Variants in OCIAD1 observed in about 807,000 individuals in gnomAD.
OCIAD1 encodes the protein OCIA domain-containing protein 1.
Under a neutral mutation model 38.9 loss-of-function variants are expected in OCIAD1, and 29 were observed. That is an observed-to-expected ratio of 0.74 (90% CI 0.55 to 1.02). The LOEUF is 1.02. OCIAD1 is among the 50% of genes least tolerant of loss of function. OCIAD1 has a pLI of 0.00. For synonymous variants in OCIAD1, 110 were observed against 92.0 expected, an observed-to-expected ratio of 1.20 and a Z score of -1.12; for missense variants, 288 against 289.6, an observed-to-expected ratio of 0.99 and a Z score of 0.04.
Position 48,832,629 on chromosome 4 carries a change from A to C in OCIAD1, c.5A>C (p.Asn2Thr). The C allele has an allele frequency of 6.2e-7, 1 of 1,612,474 alleles. No individual in the cohort carries two copies. Among genetic ancestry groups the C allele is most frequent in the Non-Finnish European group, 8.5e-7 (1 of 1,178,506 alleles). Residue 2 changes from asparagine to threonine, a missense_variant, in exon 2 of 9, where the codon AAT becomes ACT. Transcript: ENST00000264312. The part of the protein sequence containing the change: M[N>T]GRADFREPNA... Reference sequence around the variant, plus strand: ...AATGTTTTTGATACAGGAAAGATGAATGGGAGGGCTGATTTTCGAGAGCCG... The same window carrying C: ...AATGTTTTTGATACAGGAAAGATGACTGGGAGGGCTGATTTTCGAGAGCCG...
At position 48,857,354 on chromosome 4, in the gene OCIAD1, CA is replaced by C; in HGVS notation, c.696del (p.Glu233LysfsTer4). 7.8e-6 allele frequency: 12 copies of C among 1,539,984 alleles called. No individual in the cohort carries two copies. Among genetic ancestry groups the C allele is most frequent in the South Asian group, 3.9e-5 (3 of 77,740 alleles). On this transcript the variant is annotated frameshift_variant, in exon 8 of 9. Coordinates refer to ENST00000264312, the MANE Select transcript of OCIAD1 (RefSeq NM_017830.4). LOFTEE classifies it high-confidence loss of function. ...PSVRPMHERV[P>X]KKEVKVNKYG... is the part of the protein sequence containing the mutation. ...GTCAGGCCTATGCATGAAAGAGTGC[CA>C]AAAAAAGAAGGTATGATAGTTTAGT...
rs1276298030 is a variant in OCIAD1, at chr4:48,861,749, A to G, written c.*987A>G. The stretch of plus-strand genomic sequence containing the variant: ...TAAATTGATAATATAGTAAATAGGT[A>G]AATGCCTTAAAAAGCATTTTTAAAG... On this transcript the variant is annotated 3_prime_UTR_variant, in exon 9 of 9. Transcript: ENST00000264312. 2 of 152,228 alleles carry G rather than the reference A, an allele frequency of 1.3e-5. No individual in the cohort carries two copies. Among genetic ancestry groups the G allele is most frequent in the Non-Finnish European group, 2.9e-5 (2 of 68,044 alleles). The allele number at this position is 152,228 out of a possible 1,614,324, so 9.4% of individuals were successfully genotyped here.
chr4:48,841,853 A>G (rs1473020319), intron 3 of OCIAD1, among the ~76,000 whole-genome samples: 1 of 151,054 alleles, frequency 6.6e-6, no homozygotes, highest in Non-Finnish European at 1.5e-5. Context: ...GGTTTTAGGC[A>G]TATATATATA....
intron 1 of OCIAD1, among the ~76,000 whole-genome samples, chr4:48,810,252 G>A (rs1243418256): frequency 2.0e-5 from 3 of 151,898 alleles, no homozygotes; most frequent in Admixed American, 6.6e-5. Context: ...GGTGGATCAC[G>A]AGGTCAGGAG....
At chr4:48,826,311 A>G (rs1296434313), upstream of OCIAD1, among the ~76,000 whole-genome samples, 3 of 151,902 alleles carry the variant, frequency 2.0e-5, no homozygotes, top group Non-Finnish European at 4.4e-5. Flanking sequence ...CCCTCCCCAC[A>G]ACCCACAACA....
chr4:48,828,064 A>C (rs1469418201), upstream of OCIAD1, among the ~76,000 whole-genome samples: 1 of 152,172 alleles, frequency 6.6e-6, no homozygotes, highest in Admixed American at 6.5e-5. Flanking sequence ...TAAATGCACC[A>C]ATCAGTGCTC....
At position 48,850,017 on chromosome 4, in the gene OCIAD1, A is replaced by G; in HGVS notation, c.312A>G (p.Lys104=). The G allele has an allele frequency of 6.2e-7, 1 of 1,613,654 alleles. No homozygotes were observed. Among genetic ancestry groups the G allele is most frequent in the Non-Finnish European group, 8.5e-7 (1 of 1,179,846 alleles). Residue 104 remains lysine (K), a synonymous_variant, in exon 6 of 9, where the codon AAA becomes AAG. Coordinates refer to ENST00000264312, the MANE Select transcript of OCIAD1 (RefSeq NM_017830.4). ...YVKTCQEKFK[K]LENSPLGEAL... ...AAACTTGCCAAGAGAAATTCAAGAA[A>G]CTTGAAAATTCCCCCCTTGGAGAAG...
intron 8 of OCIAD1, 57 bp downstream of exon 8, chr4:48,857,422 CT>C: frequency 1.8e-6 from 2 of 1,083,796 alleles, no homozygotes; most frequent in Non-Finnish European, 2.5e-6. Flanking sequence ...TAAAACATTA[CT>C]TTAAAACAAT....
At chr4:48,850,463 A>T (rs1779339277) in intron 6 of OCIAD1, among the ~76,000 whole-genome samples, 1 of 152,148 alleles carries the variant, frequency 6.6e-6, no homozygotes, top group Admixed American at 6.5e-5. Context: ...TGGGGGTCTC[A>T]CTATGTTGCC....
chr4:48,834,576 C>T (rs1315080238), intron 3 of OCIAD1, among the ~76,000 whole-genome samples: 1 of 152,036 alleles, frequency 6.6e-6, no homozygotes, highest in Non-Finnish European at 1.5e-5. Context: ...TCAAGACCAG[C>T]GTGGGCAACA....
intron 1 of OCIAD1, among the ~76,000 whole-genome samples, chr4:48,825,233 G>A (rs192110752): frequency 3.2e-4 from 49 of 152,274 alleles, no homozygotes; most frequent in South Asian, 1.5e-3. Flanking sequence ...CCTGCCTGGG[G>A]CCCCAGTCCT....
intron 7 of OCIAD1, among the ~76,000 whole-genome samples, chr4:48,853,174 C>T (rs959384633): frequency 1.3e-5 from 2 of 151,942 alleles, no homozygotes; most frequent in Admixed American, 6.6e-5. Flanking sequence ...CCACTGCCCC[C>T]GGCCTGTTTT....
intron 8 of OCIAD1, among the ~76,000 whole-genome samples, chr4:48,859,524 G>A (rs1780413190): frequency 6.6e-6 from 1 of 152,182 alleles, no homozygotes; most frequent in Non-Finnish European, 1.5e-5. Flanking sequence ...GTTAAGAAAG[G>A]AAATTTGGTA....
At chr4:48,816,888 T>C (rs1777148599) in intron 1 of OCIAD1, among the ~76,000 whole-genome samples, 1 of 152,072 alleles carries the variant, frequency 6.6e-6, no homozygotes, top group Admixed American at 6.6e-5. Flanking sequence ...GAGAATCGCT[T>C]GAATCTGGGA....
chr4:48,807,826 C>A (rs10517229), intron 1 of OCIAD1, among the ~76,000 whole-genome samples: 2 of 152,258 alleles, frequency 1.3e-5, no homozygotes, highest in East Asian at 3.9e-4. Flanking sequence ...CTGCTTCAAA[C>A]GTGGGTGTTT....
intron 7 of OCIAD1, among the ~76,000 whole-genome samples, chr4:48,853,301 G>T (rs1779712133): frequency 6.6e-6 from 1 of 152,088 alleles, no homozygotes; most frequent in Non-Finnish European, 1.5e-5. Flanking sequence ...TGCCAGATAA[G>T]ATTTTTCCTT....
At chr4:48,859,628 C>CT (rs1178731921) in intron 8 of OCIAD1, among the ~76,000 whole-genome samples, 3 of 151,764 alleles carry the variant, frequency 2.0e-5, no homozygotes, top group Non-Finnish European at 2.9e-5. Context: ...ATGATTTTTT[C>CT]TTTTTTTGGG....
rs767899806 is a variant in OCIAD1, at chr4:48,831,501, G to A, written c.-6+252G>A. On this transcript the variant is annotated intron_variant, in intron 1 of 8. Transcript: ENST00000264312. ...CTGCTCAGTCTGTAACGGCAGGTGG[G>A]AGACGGACACTGGGTGGAGGATGGA... 3.7e-5 allele frequency: 48 copies of A among 1,290,614 alleles called. 1 individual carries two copies. The South Asian group carries it at 4.4e-4, about 12-fold the overall frequency. The allele number at this position is 1,290,614 out of a possible 1,614,324, so 79.9% of individuals were successfully genotyped here. A position where few individuals can be genotyped will look rare whatever the true frequency, so the allele number is the denominator to read the frequency against.
At chr4:48,812,272 G>C (rs1258521807) in intron 1 of OCIAD1, among the ~76,000 whole-genome samples, 4 of 93,810 alleles carry the variant, frequency 4.3e-5, no homozygotes, top group African/African-American at 1.7e-4. Flanking sequence ...AACAGAGTGA[G>C]AGTTGGTCTC....
Sources: allele counts gnomAD v4.1 joint callset (sites outside exome capture counted in the v4.1 genomes callset), GRCh38; gene constraint gnomAD v4.1.1; transcripts MANE v1.5; gene names NCBI Gene and HGNC (gene_info 2026-07-23, HGNC 2026-07-21).